Variants in NCAM2 observed in about 807,000 individuals in gnomAD.
NCAM2 encodes N-CAM-2.
In NCAM2, 30 loss-of-function variants were observed where a neutral mutation model predicts 98.1. The observed-to-expected ratio is 0.31, with a 90% CI of 0.23 to 0.41. The LOEUF is 0.41. NCAM2 is among the 10% of genes least tolerant of loss of function. The pLI is 1.00. For synonymous variants in NCAM2, 368 were observed against 342.4 expected (o/e 1.07, Z -0.83); for missense variants, 867 against 1,005.8 (o/e 0.86, Z 1.87).
chr21:21,496,387 A>G (rs1423569157), intron 15 of NCAM2, among the ~76,000 whole-genome samples: 1 of 151,976 alleles, frequency 6.6e-6, no homozygotes, highest in Non-Finnish European at 1.5e-5. Context: ...ATTTTTTCAT[A>G]TGTTTAATAG....
At chr21:21,531,010 T>C (rs888174007) in intron 16 of NCAM2, among the ~76,000 whole-genome samples, 14 of 152,114 alleles carry the variant, frequency 9.2e-5, no homozygotes, top group Non-Finnish European at 1.6e-4. Flanking sequence ...TAAAAGTTTT[T>C]ATTTTGATGT....
intron 1 of NCAM2, among the ~76,000 whole-genome samples, chr21:21,247,338 C>T (rs187159479): frequency 6.6e-6 from 1 of 152,208 alleles, no homozygotes; most frequent in African/African-American, 2.4e-5. Flanking sequence ...CAACAACAAA[C>T]TTTAATTAAA....
chr21:21,372,751 T>A (rs2075947989), intron 8 of NCAM2, among the ~76,000 whole-genome samples: 1 of 151,810 alleles, frequency 6.6e-6, no homozygotes, highest in African/African-American at 2.4e-5. Flanking sequence ...GCACAGTGTC[T>A]GTTTTTCCAG....
chr21:21,193,699 T>C (rs1419204008), intron 1 of NCAM2, among the ~76,000 whole-genome samples: 1 of 152,042 alleles, frequency 6.6e-6, no homozygotes, highest in Non-Finnish European at 1.5e-5. Flanking sequence ...TTTCACCATG[T>C]TGGCCAGGAT....
chr21:21,400,842 C>T (rs1402602457), intron 9 of NCAM2, among the ~76,000 whole-genome samples: 1 of 152,120 alleles, frequency 6.6e-6, no homozygotes, highest in African/African-American at 2.4e-5. Context: ...TTACATAGTT[C>T]TTTAGAAAGG....
chr21:21,464,591 A>T (rs769343590), intron 12 of NCAM2, among the ~76,000 whole-genome samples: 1 of 152,156 alleles, frequency 6.6e-6, no homozygotes, highest in South Asian at 2.1e-4. Flanking sequence ...AGAATGGAAC[A>T]AAAGGAAGCA....
chr21:21,117,337 TAC>T (rs34611210), intron 1 of NCAM2, among the ~76,000 whole-genome samples: 14,016 of 152,172 alleles, frequency 0.092, 706 homozygotes, highest in Middle Eastern at 0.13. Flanking sequence ...TGGAAAACTT[TAC>T]AGTTTCCTAG....
intron 1 of NCAM2, among the ~76,000 whole-genome samples, chr21:21,041,590 A>T (rs2064906071): frequency 6.6e-6 from 1 of 152,198 alleles, no homozygotes; most frequent in South Asian, 2.1e-4. Context: ...TGGTGGGAAC[A>T]TTTTATTATG....
At chr21:21,354,731 A>T (rs1023012757) in intron 8 of NCAM2, among the ~76,000 whole-genome samples, 1 of 152,182 alleles carries the variant, frequency 6.6e-6, no homozygotes, top group African/African-American at 2.4e-5. Context: ...TTGTGGGTCC[A>T]TGCACTTTTC....
rs2076833262 is a variant in NCAM2, at chr21:21,410,464, A to G, written c.1383+3A>G. 3.3e-6 allele frequency: 5 copies of G among 1,513,660 alleles called. No homozygotes were observed. The highest frequency in any genetic ancestry group is 4.5e-6 in the Non-Finnish European group (5 of 1,121,720). 93.8% of individuals were successfully genotyped at this position (1,513,660 alleles called of 1,614,324 possible). A position where few individuals can be genotyped will look rare whatever the true frequency, so the allele number is the denominator to read the frequency against. ...CAGGAAGAAAGATGATATTAGAGGT[A>G]AGTCCACATGTATACATCAATAAAT... On this transcript the variant is annotated splice_donor_region_variant and intron_variant, in intron 10 of 17. Transcript: ENST00000400546.
At chr21:21,251,380 T>A (rs2071464140) in intron 1 of NCAM2, among the ~76,000 whole-genome samples, 1 of 151,744 alleles carries the variant, frequency 6.6e-6, no homozygotes, top group South Asian at 2.1e-4. Flanking sequence ...ATCATTCAGC[T>A]CCCACTTATG....
intron 8 of NCAM2, among the ~76,000 whole-genome samples, chr21:21,360,993 T>G: frequency 6.6e-6 from 1 of 152,182 alleles, no homozygotes; most frequent in East Asian, 1.9e-4. Flanking sequence ...GATGATTCAC[T>G]TCCTCTTTTA....
intron 15 of NCAM2, among the ~76,000 whole-genome samples, chr21:21,491,015 T>A (rs776867512): frequency 6.6e-6 from 1 of 151,858 alleles, no homozygotes; most frequent in Non-Finnish European, 1.5e-5. Flanking sequence ...TGGTACAGCC[T>A]TTTTTGTCCT....
intron 3 of NCAM2, among the ~76,000 whole-genome samples, 161 bp downstream of exon 3, chr21:21,284,561 T>C (rs2073037630): frequency 1.3e-5 from 2 of 151,852 alleles, no homozygotes; most frequent in Admixed American, 6.6e-5. Flanking sequence ...ATAGAATAGC[T>C]AACAGATAAT....
intron 1 of NCAM2, among the ~76,000 whole-genome samples, chr21:21,024,729 G>GA (rs373924951): frequency 1.5e-4 from 22 of 151,532 alleles, no homozygotes; most frequent in African/African-American, 4.6e-4. Flanking sequence ...TACAGAAAAA[G>GA]AAAAAAAATT....
intron 5 of NCAM2, among the ~76,000 whole-genome samples, chr21:21,317,796 G>C (rs1220015633): frequency 6.6e-6 from 1 of 151,936 alleles, no homozygotes; most frequent in African/African-American, 2.4e-5. Flanking sequence ...CAGCCTCCCA[G>C]ATCGCTGGGA....
intron 15 of NCAM2, among the ~76,000 whole-genome samples, chr21:21,502,020 A>G (rs1295110046): frequency 1.3e-5 from 2 of 151,972 alleles, no homozygotes; most frequent in Admixed American, 6.6e-5. Context: ...CCTGGAGGAA[A>G]CATTTCTACT....
chr21:21,338,186 A>G (rs2074930187), intron 7 of NCAM2, among the ~76,000 whole-genome samples: 1 of 152,130 alleles, frequency 6.6e-6, no homozygotes, highest in Non-Finnish European at 1.5e-5. Context: ...TAATGGTAAC[A>G]GATGAGTTTT....
intron 3 of NCAM2, 150 bp from the exon 4 acceptor site, chr21:21,286,119 A>T: frequency 1.2e-6 from 1 of 822,008 alleles, no homozygotes; most frequent in Non-Finnish European, 1.8e-6. Context: ...AGGGAGAAGT[A>T]GATTATCTAG....
Sources: allele counts gnomAD v4.1 joint callset (sites outside exome capture counted in the v4.1 genomes callset), GRCh38; gene constraint gnomAD v4.1.1; transcripts MANE v1.5; gene names NCBI Gene and HGNC (gene_info 2026-07-23, HGNC 2026-07-21).